The following COL26A1 variants were observed in gnomAD, a reference collection of about 807,000 sequenced individuals.
The protein encoded by COL26A1 is collagen alpha-1(XXVI) chain.
COL26A1 carries 41 observed loss-of-function variants against 59.3 expected under a neutral mutation model. The ratio of observed to expected loss-of-function variants is 0.69; its 90% CI spans 0.54 to 0.90. The LOEUF is 0.90. COL26A1 is among the 40% of genes least tolerant of loss of function. COL26A1 has a pLI of 0.00. For missense variants in COL26A1, 612 were observed against 602.3 expected (o/e 1.02, Z -0.17); for synonymous variants, 266 against 256.0 (o/e 1.04, Z -0.37).
chr7:101,379,452 C>T (rs933268474), intron 1 of COL26A1, among the ~76,000 whole-genome samples: 3 of 152,174 alleles, frequency 2.0e-5, no homozygotes, highest in African/African-American at 7.2e-5. Flanking sequence ...GTGCTCTGCT[C>T]ACCATTGCCT....
At chr7:101,385,231 CTATA>C (rs1195666668) in intron 1 of COL26A1, among the ~76,000 whole-genome samples, 1 of 58,034 alleles carries the variant, frequency 1.7e-5, no homozygotes. Context: ...CACACACACA[CTATA>C]TATATATATA....
intron 2 of COL26A1, among the ~76,000 whole-genome samples, chr7:101,434,506 C>T (rs985412106): frequency 9.9e-5 from 15 of 151,988 alleles, no homozygotes; most frequent in African/African-American, 3.6e-4. Context: ...AAGTGATCCT[C>T]CCGCCTCTAT....
chr7:101,435,547 G>T (rs1304851562), intron 2 of COL26A1, among the ~76,000 whole-genome samples: 1 of 152,142 alleles, frequency 6.6e-6, no homozygotes, highest in African/African-American at 2.4e-5. Flanking sequence ...CCTTCCTCTG[G>T]AGTGGATCAC....
intron 3 of COL26A1, among the ~76,000 whole-genome samples, chr7:101,468,285 GAGCA>G (rs993642322): frequency 8.6e-5 from 13 of 150,788 alleles, no homozygotes; most frequent in African/African-American, 2.9e-4. Context: ...CTGGGCAACA[GAGCA>G]AGACTCAGTC....
chr7:101,520,463 T>C (rs1243418884), intron 3 of COL26A1, among the ~76,000 whole-genome samples: 1 of 152,094 alleles, frequency 6.6e-6, no homozygotes, highest in African/African-American at 2.4e-5. Flanking sequence ...GGTGGGAGAA[T>C]TGCTTGCGGC....
intron 1 of COL26A1, among the ~76,000 whole-genome samples, chr7:101,394,286 C>T (rs936397399): frequency 1.7e-4 from 26 of 152,140 alleles, no homozygotes; most frequent in African/African-American, 5.1e-4. Flanking sequence ...GATTCTCCCA[C>T]GGAGACTCTG....
chr7:101,410,223 T>C lies in COL26A1; in HGVS notation c.159-9754T>C, dbSNP rs140612839. Among the ~76,000 whole-genome samples, 636 of 152,298 alleles carry C rather than the reference T, an allele frequency of 4.2e-3. 8 individuals carry two copies. Among genetic ancestry groups the C allele is most frequent in the Non-Finnish European group, 3.9e-3 (266 of 68,024 alleles). ...GGATTGCTGGGCCAGCTGGTGTTCGTTGGTTCATCAGTTCATCTGAATGCA... is the reference window on the plus strand; with the variant it reads ...GGATTGCTGGGCCAGCTGGTGTTCGCTGGTTCATCAGTTCATCTGAATGCA... On this transcript the variant is annotated intron_variant, in intron 1 of 12. Coordinates refer to ENST00000313669, the MANE Select transcript of COL26A1 (RefSeq NM_001278563.3).
intron 2 of COL26A1, among the ~76,000 whole-genome samples, chr7:101,421,664 A>G (rs77095171): frequency 2.4e-4 from 36 of 151,762 alleles, no homozygotes; most frequent in African/African-American, 8.5e-4. Flanking sequence ...AAAAAAAAAA[A>G]GAAATTGCTA....
chr7:101,542,865 T>A (rs544131538), intron 5 of COL26A1, among the ~76,000 whole-genome samples: 1 of 152,178 alleles, frequency 6.6e-6, no homozygotes, highest in African/African-American at 2.4e-5. Context: ...GCCCACATTC[T>A]TCAGATCTTT....
chr7:101,427,110 G>A (rs1562973639), intron 2 of COL26A1, among the ~76,000 whole-genome samples: 3 of 152,226 alleles, frequency 2.0e-5, no homozygotes, highest in Non-Finnish European at 4.4e-5. Flanking sequence ...TCAGACTGGA[G>A]TGCAGTGGCA....
chr7:101,501,638 G>T (rs1381631354), intron 3 of COL26A1, among the ~76,000 whole-genome samples: 1 of 152,248 alleles, frequency 6.6e-6, no homozygotes, highest in African/African-American at 2.4e-5. Context: ...TATCCTTTGC[G>T]CTGTGTCACA....
chr7:101,464,407 C>CTTATT (rs79199977), intron 3 of COL26A1, among the ~76,000 whole-genome samples: 54,890 of 148,888 alleles, frequency 0.37, 10,208 homozygotes, highest in Non-Finnish European at 0.4. Flanking sequence ...GCATCTAATT[C>CTTATT]TTATTTTATT....
intron 1 of COL26A1, among the ~76,000 whole-genome samples, chr7:101,369,861 TTTTA>T (rs1444261642): frequency 6.6e-6 from 1 of 151,932 alleles, no homozygotes; most frequent in African/African-American, 2.4e-5. Context: ...TTTTATTTTA[TTTTA>T]TTTATTTGTT....
intron 1 of COL26A1, among the ~76,000 whole-genome samples, chr7:101,368,945 A>G (rs1791116398): frequency 4.1e-5 from 3 of 73,738 alleles, no homozygotes; most frequent in Admixed American, 3.5e-4. Context: ...TTGCAAATGT[A>G]AGCAATTTGT....
intron 3 of COL26A1, among the ~76,000 whole-genome samples, chr7:101,472,349 T>TATCAGGGC: frequency 6.6e-6 from 1 of 152,300 alleles, no homozygotes; most frequent in South Asian, 2.1e-4. Context: ...CTTCTTAAGA[T>TATCAGGGC]ATCAGGGCAT....
chr7:101,406,822 C>T (rs1490256245), intron 1 of COL26A1, among the ~76,000 whole-genome samples: 1 of 151,996 alleles, frequency 6.6e-6, no homozygotes, highest in East Asian at 1.9e-4. Context: ...TGGTGGCACG[C>T]ACTTGTAGTC....
chr7:101,377,717 A>G (rs1398962567), intron 1 of COL26A1, among the ~76,000 whole-genome samples: 2 of 152,110 alleles, frequency 1.3e-5, no homozygotes, highest in East Asian at 1.9e-4. Flanking sequence ...AGGAGCTACT[A>G]TGACCAGCAG....
intron 3 of COL26A1, among the ~76,000 whole-genome samples, chr7:101,455,763 A>G (rs1584422479): frequency 6.6e-6 from 1 of 151,768 alleles, no homozygotes. Flanking sequence ...GCTCACTGCA[A>G]CCTCCGCCTC....
At position 101,387,634 on chromosome 7, in the gene COL26A1, T is replaced by G. The variant is rs146244462; in HGVS notation, c.158+24444T>G. 5.7e-3 allele frequency among the ~76,000 whole-genome samples: 814 copies of G among 141,684 alleles called. 12 individuals carry two copies. The highest frequency in any genetic ancestry group is 0.021 in the African/African-American group (780 of 37,992). The allele number at this position is 141,684 out of a possible 152,430, so 93.0% of individuals were successfully genotyped here. ...GTGTGAAGCATTCTCTCTCTCGCTC[T>G]CTCTCTCTCTCTTTATATATATATA... On this transcript the variant is annotated intron_variant, in intron 1 of 12. Coordinates refer to ENST00000313669, the MANE Select transcript of COL26A1 (RefSeq NM_001278563.3).
Sources: gnomAD v4.1 joint callset for allele counts (sites outside exome capture counted in the v4.1 genomes callset) on GRCh38, gnomAD v4.1.1 for gene constraint, MANE v1.5 for transcripts, NCBI Gene and HGNC (gene_info 2026-07-23, HGNC 2026-07-21) for gene names.